VOPP1: variants seen among roughly 807,000 people sequenced by gnomAD.
VOPP1 encodes VOPP1 WW domain binding protein, also known as WW domain binding protein VOPP1.
VOPP1 carries 8 observed loss-of-function variants against 23.5 expected under a neutral mutation model. The ratio of observed to expected loss-of-function variants is 0.34; its 90% CI spans 0.20 to 0.61. VOPP1 has a LOEUF of 0.61. Ranked by LOEUF, VOPP1 falls within the 20% of genes least tolerant of loss-of-function variation. VOPP1 has a pLI of 0.78. For missense variants in VOPP1, 174 were observed against 238.1 expected, an observed-to-expected ratio of 0.73 and a Z score of 1.77; for synonymous variants, 83 against 97.3, an observed-to-expected ratio of 0.85 and a Z score of 0.86.
At chr7:55,452,328 C>T (rs910372884) in intron 4 of VOPP1, among the ~76,000 whole-genome samples, 6 of 152,320 alleles carry the variant, frequency 3.9e-5, no homozygotes, top group African/African-American at 1.4e-4. Flanking sequence ...ACCACATCCA[C>T]AGTTATTTCC....
chr7:55,519,113 T>C (rs952709491), intron 2 of VOPP1, among the ~76,000 whole-genome samples: 1 of 152,196 alleles, frequency 6.6e-6, no homozygotes, highest in Non-Finnish European at 1.5e-5. Flanking sequence ...ACTCAATAAC[T>C]GTTACCTGCT....
chr7:55,468,669 G>T (rs560476917), downstream of VOPP1, among the ~76,000 whole-genome samples: 1 of 152,250 alleles, frequency 6.6e-6, no homozygotes, highest in East Asian at 1.9e-4. Context: ...GTGCCTGGGC[G>T]GGGCCGCGTC....
At chr7:55,509,776 T>C (rs1035497952) in intron 2 of VOPP1, among the ~76,000 whole-genome samples, 3 of 152,238 alleles carry the variant, frequency 2.0e-5, no homozygotes, top group African/African-American at 7.2e-5. Context: ...CAGTCTTCTA[T>C]TGAATCTTTC....
At position 55,555,386 on chromosome 7, in the gene VOPP1, A is replaced by G. The variant is rs546303844; in HGVS notation, c.54+16885T>C. On this transcript the variant is annotated intron_variant, in intron 1 of 4. Transcript: ENST00000285279. ...GCACATGTGAAAGCTGGAAAGAACA[A>G]CTACTGCCTCTTTTCACCGCACAGA... 2.0e-5 allele frequency among the ~76,000 whole-genome samples: 3 copies of G among 152,302 alleles called. No individual in the cohort carries two copies. In the South Asian group the frequency reaches 6.2e-4, roughly 32 times the overall value.
chr7:55,448,999 T>C (rs892310616), intron 4 of VOPP1, among the ~76,000 whole-genome samples: 10 of 152,188 alleles, frequency 6.6e-5, no homozygotes, highest in African/African-American at 1.7e-4. Flanking sequence ...ATGAAAAATA[T>C]TGGAGTAAAA....
intron 4 of VOPP1, among the ~76,000 whole-genome samples, chr7:55,476,447 G>A (rs1301205208): frequency 2.0e-5 from 3 of 151,426 alleles, no homozygotes; most frequent in African/African-American, 4.8e-5. Flanking sequence ...TGGGCGGGGG[G>A]GCTGGGCCAA....
chr7:55,532,514 T>G (rs529097083), intron 1 of VOPP1, among the ~76,000 whole-genome samples: 1 of 152,368 alleles, frequency 6.6e-6, no homozygotes, highest in East Asian at 1.9e-4. Context: ...CAGTTAACAT[T>G]CTCTACAACG....
intron 4 of VOPP1, among the ~76,000 whole-genome samples, chr7:55,482,482 ATTTT>A (rs71031859): frequency 7.5e-6 from 1 of 132,832 alleles, no homozygotes. Flanking sequence ...CACCTGGCTA[ATTTT>A]TTTTTTTTTT....
chr7:55,497,787 A>T (rs815954), intron 2 of VOPP1, 97 bp from the exon 3 acceptor site: 19,883 of 1,062,734 alleles, frequency 0.019, 544 homozygotes, highest in African/African-American at 0.12. Context: ...TCATTCTTGA[A>T]GGAAGAAATC....
In VOPP1 at chr7:55,531,716, G is replaced by C. The variant is rs543259113; in HGVS notation, c.55-10586C>G. 2.2e-4 allele frequency among the ~76,000 whole-genome samples: 33 copies of C among 152,310 alleles called. 1 individual carries two copies. In the South Asian group the frequency reaches 6.6e-3, roughly 31 times the overall value. On this transcript the variant is annotated intron_variant, in intron 1 of 4. Coordinates refer to ENST00000285279, the MANE Select transcript of VOPP1 (RefSeq NM_030796.5). ...TAACATTATGAAAAAAAAGTCAACAGATCAGCTCTGCCACCTCCTAGTCTA... is the reference window on the plus strand; with the variant it reads ...TAACATTATGAAAAAAAAGTCAACACATCAGCTCTGCCACCTCCTAGTCTA...
intron 4 of VOPP1, among the ~76,000 whole-genome samples, chr7:55,463,352 T>C (rs747255180): frequency 2.3e-4 from 35 of 152,358 alleles, no homozygotes; most frequent in Non-Finnish European, 4.0e-4. Context: ...CTTTTTCATG[T>C]TTCTTATATC....
At chr7:55,555,948 T>G (rs1281851882) in intron 1 of VOPP1, among the ~76,000 whole-genome samples, 2 of 152,200 alleles carry the variant, frequency 1.3e-5, no homozygotes, top group Non-Finnish European at 2.9e-5. Flanking sequence ...AAAACTCACT[T>G]GTTTTCTTTT....
chr7:55,552,959 A>T (rs1797672446), intron 1 of VOPP1: 1 of 587,026 alleles, frequency 1.7e-6, no homozygotes, highest in African/African-American at 1.9e-5. Context: ...GCTGTAGGAA[A>T]AGACATGCAA....
intron 1 of VOPP1, among the ~76,000 whole-genome samples, chr7:55,556,138 C>A (rs1408802365): frequency 6.6e-6 from 1 of 152,228 alleles, no homozygotes. Context: ...GCAGCCTCTG[C>A]TCTCTCCCAG....
chr7:55,511,753 G>A (rs994759249), intron 2 of VOPP1, among the ~76,000 whole-genome samples: 8 of 152,268 alleles, frequency 5.3e-5, no homozygotes, highest in Middle Eastern at 3.4e-3. Flanking sequence ...CTGCCTTTCC[G>A]GATGAACCAA....
At chr7:55,482,347 ATTTT>A (rs11292753) in intron 4 of VOPP1, among the ~76,000 whole-genome samples, 5 of 127,794 alleles carry the variant, frequency 3.9e-5, no homozygotes, top group Non-Finnish European at 3.4e-5. Flanking sequence ...GAAGGGAGGT[ATTTT>A]TTTTTTTTTT....
intron 2 of VOPP1, among the ~76,000 whole-genome samples, chr7:55,510,433 A>G (rs2129034315): frequency 6.6e-6 from 1 of 152,242 alleles, no homozygotes; most frequent in Non-Finnish European, 1.5e-5. Context: ...CAGACACCAA[A>G]TAAAACTTAT....
At chr7:55,502,411 C>T (rs1183339086) in intron 2 of VOPP1, among the ~76,000 whole-genome samples, 1 of 152,230 alleles carries the variant, frequency 6.6e-6, no homozygotes, top group Non-Finnish European at 1.5e-5. Flanking sequence ...AACACAGGAA[C>T]CCTTTATGCT....
At chr7:55,464,253 G>A (rs1791578859) in intron 4 of VOPP1, among the ~76,000 whole-genome samples, 1 of 152,130 alleles carries the variant, frequency 6.6e-6, no homozygotes, top group African/African-American at 2.4e-5. Flanking sequence ...GCATTAGTGT[G>A]GGCAGAGGTG....
Sources: gnomAD v4.1 joint callset for allele counts (sites outside exome capture counted in the v4.1 genomes callset) on GRCh38, gnomAD v4.1.1 for gene constraint, MANE v1.5 for transcripts, NCBI Gene and HGNC (gene_info 2026-07-23, HGNC 2026-07-21) for gene names.